Variants in ATXN2 observed in about 807,000 individuals in gnomAD.
ATXN2 encodes the protein ataxin 2.
Under a neutral mutation model 138.6 loss-of-function variants are expected in ATXN2, and 37 were observed. That is an observed-to-expected ratio of 0.27 (90% CI 0.21 to 0.35). The LOEUF (loss-of-function observed/expected upper bound fraction) is 0.35. ATXN2 is among the 10% of genes least tolerant of loss of function. The pLI is 1.00. For missense variants in ATXN2, 1,216 were observed against 1,480.3 expected (o/e 0.82, Z 2.93); for synonymous variants, 549 against 543.7 (o/e 1.01, Z -0.13).
At position 111,470,698 on chromosome 12, in the gene ATXN2, C is replaced by A. The variant is rs751162196; in HGVS notation, c.2569G>T (p.Ala857Ser). The change falls in exon 19 of 25, where the codon GCC becomes TCC. Residue 857 changes from alanine (A) to serine (S), a missense_variant. Ala to Ser is a moderately conservative substitution (Grantham distance 99, BLOSUM62 1). This residue lies in a region of ATXN2 where 490 missense variants were observed against 653.5 expected (regional missense o/e 0.75). Transcript: ENST00000673436. ...GCTGCTGACGCTGGGTGCATCATGG[C>A]ACTCTGATGATGCTGGTCTTGCCGC... ...QQRQDQHHQS[A>S]MMHPASAAGP... 1 of 1,614,102 alleles carries A rather than the reference C, an allele frequency of 6.2e-7. No individual in the cohort carries two copies.
At position 111,518,294 on chromosome 12, in the gene ATXN2, C is replaced by T. The variant is rs1198235689; in HGVS notation, c.1120G>A (p.Asp374Asn). The stretch of plus-strand genomic sequence containing the variant: ...TCTGAACCAGAATTCGGGTTGAAAT[C>T]TGAAGTGTGAGAAGTGGATCTTGAT... ...MPSRSTSHTS[D>N]FNPNSGSDQR... The change falls in exon 9 of 25, where the codon GAT becomes AAT. Residue 374 changes from aspartate to asparagine, a missense_variant. Around this residue, in one of 4 missense-constraint regions of ATXN2, gnomAD observed 401 missense variants for 528.1 expected, o/e 0.76. Transcript: ENST00000673436. The T allele has an allele frequency of 6.2e-7, 1 of 1,611,918 alleles. No homozygotes were observed. The highest frequency in any genetic ancestry group is 1.1e-5 in the South Asian group (1 of 90,678).
At position 111,478,555 on chromosome 12, in the gene ATXN2, T is replaced by C. The variant is rs149659514; in HGVS notation, c.2524+6710A>G. ...CATTTAAGATCACAATGAGATACCATAAGACACCCATTAGACCTGTTGAAA... is the reference window on the plus strand; with the variant it reads ...CATTTAAGATCACAATGAGATACCACAAGACACCCATTAGACCTGTTGAAA... On this transcript the variant is annotated intron_variant, in intron 18 of 24. Coordinates refer to ENST00000673436, the MANE Select transcript of ATXN2 (RefSeq NM_001372574.1). Among the ~76,000 whole-genome samples the C allele has an allele frequency of 8.9e-4, 136 of 152,252 alleles. 2 individuals are homozygous for C. Among genetic ancestry groups the C allele is most frequent in the Middle Eastern group, 3.4e-3 (1 of 294 alleles).
At chr12:111,580,914 G>A (rs954742419) in intron 1 of ATXN2, among the ~76,000 whole-genome samples, 1 of 152,012 alleles carries the variant, frequency 6.6e-6, no homozygotes, top group African/African-American at 2.4e-5. Flanking sequence ...CGAGGCAGGT[G>A]GATCACCTGA....
Position 111,599,293 on chromosome 12 carries a change from T to G in ATXN2, c.-259A>C. The stretch of plus-strand genomic sequence containing the variant: ...CGTTGCCGTTGCTACCAAAACAGTC[T>G]GAGGCGGAGGGAGGCGAGCTCTGCC... On this transcript the variant is annotated 5_prime_UTR_variant, in exon 1 of 25. Transcript: ENST00000673436. 1.1e-6 allele frequency: 1 copy of G among 932,536 alleles called. No individual in the cohort carries two copies. The highest frequency in any genetic ancestry group is 5.0e-5 in the South Asian group (1 of 20,178). 57.8% of individuals were successfully genotyped at this position (932,536 alleles called of 1,614,324 possible).
rs965886830 is a variant in ATXN2, at chr12:111,516,866, G to T, written c.1166-503C>A. On this transcript the variant is annotated intron_variant, in intron 9 of 24. Transcript: ENST00000673436. This position sits in a 1 kb window ranked among gnomAD's most constrained non-coding sequence, Gnocchi z 5.0. ...TACAATTATCTATGATTTTCATCAGGTTTACACTTGAACCCAGAACTCAGT... is the reference window on the plus strand; with the variant it reads ...TACAATTATCTATGATTTTCATCAGTTTTACACTTGAACCCAGAACTCAGT... Among the ~76,000 whole-genome samples the T allele has an allele frequency of 3.3e-5, 5 of 152,042 alleles. No individual in the cohort carries two copies. Among genetic ancestry groups the T allele is most frequent in the Admixed American group, 3.3e-4 (5 of 15,260 alleles).
intron 14 of ATXN2, among the ~76,000 whole-genome samples, chr12:111,494,344 G>GT (rs1446880411): frequency 1.3e-5 from 2 of 151,238 alleles, no homozygotes; most frequent in African/African-American, 4.9e-5. Flanking sequence ...TTGCTTGCTT[G>GT]TTTTTGCAAT....
chr12:111,493,630 AT>A (rs538107471), intron 14 of ATXN2, among the ~76,000 whole-genome samples: 15,067 of 143,610 alleles, frequency 0.1, 2,465 homozygotes, highest in African/African-American at 0.35. Flanking sequence ...AAGAACTACA[AT>A]TTTTTTTTTT....
chr12:111,462,696 G>A (rs994220435), intron 21 of ATXN2, among the ~76,000 whole-genome samples: 1 of 152,128 alleles, frequency 6.6e-6, no homozygotes, highest in African/African-American at 2.4e-5. Context: ...TAAGGCTTAG[G>A]TGTTAATGAT....
intron 15 of ATXN2, among the ~76,000 whole-genome samples, chr12:111,487,848 T>C (rs1179516847): frequency 2.0e-5 from 3 of 152,068 alleles, no homozygotes; most frequent in Admixed American, 2.0e-4. Context: ...AAAAATTGCC[T>C]CAAATCAAGA....
chr12:111,570,300 G>A (rs113355368), intron 1 of ATXN2, among the ~76,000 whole-genome samples: 7 of 152,320 alleles, frequency 4.6e-5, no homozygotes, highest in African/African-American at 1.2e-4. Flanking sequence ...GACTATCAGT[G>A]GAGGAGAGGG....
chr12:111,558,218 C>G (rs1486568494), intron 1 of ATXN2, among the ~76,000 whole-genome samples: 1 of 152,206 alleles, frequency 6.6e-6, no homozygotes, highest in Non-Finnish European at 1.5e-5. Context: ...GCAGTATTCT[C>G]TGAAATCCAC....
chr12:111,471,200 TTG>T lies in ATXN2; in HGVS notation c.2525-460_2525-459del, dbSNP rs200550963. On this transcript the variant is annotated intron_variant, in intron 18 of 24. Transcript: ENST00000673436. ...TCCTTAATTTCCAACCACTGAATCC[TTG>T]TAACACTTCCCATTCTTTCTCAAAC... 2.8e-3 allele frequency: 506 copies of T among 182,748 alleles called. 15 individuals carry two copies. The highest frequency in any genetic ancestry group is 0.024 in the Admixed American group (456 of 18,844). 11.3% of individuals were successfully genotyped at this position (182,748 alleles called of 1,614,324 possible).
intron 20 of ATXN2, among the ~76,000 whole-genome samples, chr12:111,466,147 C>T (rs1178452896): frequency 6.9e-6 from 1 of 144,048 alleles, no homozygotes; most frequent in Non-Finnish European, 1.5e-5. Flanking sequence ...GCCTGGGTGG[C>T]AGAGGGAGAC....
chr12:111,545,020 G>A (rs916367807), intron 5 of ATXN2, among the ~76,000 whole-genome samples: 10 of 151,938 alleles, frequency 6.6e-5, no homozygotes, highest in African/African-American at 2.4e-4. Flanking sequence ...TTAGCTGGGC[G>A]TGGTGGCAGG....
upstream of ATXN2, chr12:111,599,641 G>A: frequency 9.2e-7 from 1 of 1,084,672 alleles, no homozygotes; most frequent in Non-Finnish European, 1.1e-6. Context: ...GGACACGTGA[G>A]GAGCGGGCGG....
In ATXN2 at chr12:111,516,400, C is replaced by G; in HGVS notation, c.1166-37G>C. On this transcript the variant is annotated intron_variant, in intron 9 of 24. Transcript: ENST00000673436. This position sits in a 1 kb window ranked among gnomAD's most constrained non-coding sequence, Gnocchi z 5.0. ...AATGATATGAAGGAAAGTATAAAAA[C>G]TAAAGAAAAAAATGAGGGAAAAAAG... The G allele has an allele frequency of 6.7e-7, 1 of 1,492,104 alleles. No homozygotes were observed. The highest frequency in any genetic ancestry group is 9.0e-7 in the Non-Finnish European group (1 of 1,113,046). 92.4% of individuals were successfully genotyped at this position (1,492,104 alleles called of 1,614,324 possible).
At chr12:111,563,952 C>T (rs563805900) in intron 1 of ATXN2, among the ~76,000 whole-genome samples, 1 of 152,280 alleles carries the variant, frequency 6.6e-6, no homozygotes, top group Admixed American at 6.5e-5. Flanking sequence ...ATACCCACTA[C>T]TCAGGACCAT....
chr12:111,573,179 ATTATTT>A (rs567668029), intron 1 of ATXN2, among the ~76,000 whole-genome samples: 6 of 151,700 alleles, frequency 4.0e-5, no homozygotes, highest in Non-Finnish European at 8.8e-5. Flanking sequence ...CATTATTGTT[ATTATTT>A]TTATTTATTT....
At chr12:111,536,732 T>TAC (rs1331996990) in intron 5 of ATXN2, among the ~76,000 whole-genome samples, 1 of 149,874 alleles carries the variant, frequency 6.7e-6, no homozygotes, top group Non-Finnish European at 1.5e-5. Context: ...TGAGTATGCA[T>TAC]ACACACACAC....
Sources: allele counts gnomAD v4.1 joint callset (sites outside exome capture counted in the v4.1 genomes callset), GRCh38; gene constraint gnomAD v4.1.1; regional missense constraint gnomAD v4.1.1; non-coding constraint Gnocchi (gnomAD v3.1); transcripts MANE v1.5; gene names NCBI Gene and HGNC (gene_info 2026-07-23, HGNC 2026-07-21).